TCF4: variants seen among roughly 807,000 people sequenced by gnomAD.
TCF4 encodes the protein transcription factor 4, also known as SL3-3 enhancer factor 2.
A neutral mutation model predicts 82.1 loss-of-function variants in TCF4; 3 were observed. The ratio of observed to expected loss-of-function variants is 0.04; its 90% CI spans 0.02 to 0.09. The LOEUF (loss-of-function observed/expected upper bound fraction) is 0.09. TCF4 is among the 10% of genes least tolerant of loss of function. TCF4 has a pLI of 1.00. For missense variants in TCF4, 518 were observed against 852.7 expected, an observed-to-expected ratio of 0.61 and a Z score of 4.89; for synonymous variants, 276 against 309.6, an observed-to-expected ratio of 0.89 and a Z score of 1.14.
chr18:55,634,447 T>C (rs1829199107), intron 1 of TCF4, among the ~76,000 whole-genome samples: 1 of 152,192 alleles, frequency 6.6e-6, no homozygotes, highest in African/African-American at 2.4e-5. Context: ...TAGAAACTTA[T>C]CCAAGTTAGA....
intron 6 of TCF4, among the ~76,000 whole-genome samples, chr18:55,393,116 G>C (rs924220612): frequency 2.6e-5 from 4 of 152,174 alleles, no homozygotes; most frequent in Non-Finnish European, 5.9e-5. Flanking sequence ...TATAATCACA[G>C]CATTTTGGAA....
chr18:55,548,412 C>T (rs1414262411), intron 3 of TCF4, among the ~76,000 whole-genome samples: 1 of 152,158 alleles, frequency 6.6e-6, no homozygotes, highest in East Asian at 1.9e-4. Context: ...CTAGCATATG[C>T]TGAATAAATT....
At chr18:55,344,682 T>C (rs574755808) in intron 8 of TCF4, among the ~76,000 whole-genome samples, 1 of 152,192 alleles carries the variant, frequency 6.6e-6, no homozygotes, top group Non-Finnish European at 1.5e-5. Context: ...GAATACTTGA[T>C]TAAAAATAAA....
chr18:55,365,507 A>C (rs2086777787), intron 6 of TCF4, among the ~76,000 whole-genome samples: 1 of 151,950 alleles, frequency 6.6e-6, no homozygotes, highest in Admixed American at 6.6e-5. Flanking sequence ...ATCTGCCAAA[A>C]GTCAGCTCCC....
chr18:55,608,091 C>T (rs2097703763), intron 2 of TCF4, among the ~76,000 whole-genome samples: 1 of 152,170 alleles, frequency 6.6e-6, no homozygotes, highest in Non-Finnish European at 1.5e-5. Flanking sequence ...AATGGAAAAG[C>T]AGCAGGGCTG....
Position 55,464,140 on chromosome 18 carries a change from A to G in TCF4, c.146-3T>C, listed in dbSNP as rs1341051748. On this transcript the variant is annotated splice_region_variant and splice_polypyrimidine_tract_variant and intron_variant, in intron 3 of 19. Transcript: ENST00000354452. ...TGAGCTACTTCTGTCTTCTACATCT[A>G]GGGACAAGAGAAAAGTTCTTTAGGC... 1 of 1,613,966 alleles carries G rather than the reference A, an allele frequency of 6.2e-7. No individual in the cohort carries two copies. Among genetic ancestry groups the G allele is most frequent in the East Asian group, 2.2e-5 (1 of 44,870 alleles).
intron 11 of TCF4, 110 bp from the exon 12 acceptor site, chr18:55,261,643 A>G (rs922823118): frequency 8.6e-7 from 1 of 1,168,440 alleles, no homozygotes; most frequent in African/African-American, 1.5e-5. Flanking sequence ...GCTAATTACA[A>G]CACATTAATC....
At chr18:55,567,034 G>A (rs2097415480) in intron 3 of TCF4, among the ~76,000 whole-genome samples, 1 of 152,008 alleles carries the variant, frequency 6.6e-6, no homozygotes, top group Non-Finnish European at 1.5e-5. Context: ...GAGCCACAGG[G>A]AAATTCAGAA....
intron 3 of TCF4, among the ~76,000 whole-genome samples, chr18:55,558,530 C>T (rs1256364535): frequency 1.3e-5 from 2 of 152,270 alleles, no homozygotes; most frequent in Middle Eastern, 3.4e-3. Flanking sequence ...TTTTGAATTA[C>T]TTATGCCCAT....
chr18:55,350,663 T>A (rs2082138903), intron 7 of TCF4, among the ~76,000 whole-genome samples: 1 of 151,852 alleles, frequency 6.6e-6, no homozygotes, highest in African/African-American at 2.4e-5. Context: ...AAACTAGACA[T>A]AAGCAGACAC....
At chr18:55,328,672 C>T (rs1413540717) in intron 8 of TCF4, among the ~76,000 whole-genome samples, 1 of 152,054 alleles carries the variant, frequency 6.6e-6, no homozygotes, top group Non-Finnish European at 1.5e-5. Flanking sequence ...GAGGGGAAAT[C>T]CTGGTTATGT....
intron 10 of TCF4, among the ~76,000 whole-genome samples, chr18:55,273,939 T>C (rs979491380): frequency 3.9e-5 from 6 of 152,132 alleles, no homozygotes; most frequent in Admixed American, 1.3e-4. Context: ...TCAAATCGCC[T>C]AACTCAAAAC....
rs528206926 is a variant in TCF4, at chr18:55,617,116, T to C, written c.286+14182A>G. Among the ~76,000 whole-genome samples, 11 of 152,256 alleles carry C rather than the reference T, an allele frequency of 7.2e-5. No individual in the cohort carries two copies. The South Asian group carries it at 2.3e-3, about 32-fold the overall frequency. On this transcript the variant is annotated intron_variant, in intron 2 of 20. Coordinates refer to the TCF4 transcript ENST00000398339. ...AAAAATTACATTTAAATCTCAAATT[T>C]TCCTGTGTAAGGTAATGGTCCAATG... is the stretch of plus-strand genomic sequence containing the variant.
At position 55,396,335 on chromosome 18, in the gene TCF4, G is replaced by T. The variant is rs114749776; in HGVS notation, c.369+7119C>A. Reference sequence around the variant, plus strand: ...GGACAATAATATTAACCAACTCAGAGATTTATATTGGCACCTAATACTAGT... The same window carrying T: ...GGACAATAATATTAACCAACTCAGATATTTATATTGGCACCTAATACTAGT... On this transcript the variant is annotated intron_variant, in intron 6 of 19. Transcript: ENST00000354452. Among the ~76,000 whole-genome samples, 1,082 of 152,312 alleles carry T rather than the reference G, an allele frequency of 7.1e-3. 17 individuals carry two copies. Among genetic ancestry groups the T allele is most frequent in the African/African-American group, 0.025 (1,030 of 41,574 alleles).
intron 5 of TCF4, among the ~76,000 whole-genome samples, chr18:55,440,147 C>T (rs923352345): frequency 3.3e-5 from 5 of 152,180 alleles, no homozygotes; most frequent in Admixed American, 2.0e-4. Context: ...CAGCCACAAT[C>T]ATTTTTCTTT....
At chr18:55,528,017 T>C (rs909741263) in intron 3 of TCF4, among the ~76,000 whole-genome samples, 1 of 152,178 alleles carries the variant, frequency 6.6e-6, no homozygotes, top group Non-Finnish European at 1.5e-5. Flanking sequence ...GAAACTCTTT[T>C]GTTGAATCTT....
chr18:55,430,754 C>A (rs1443531075), intron 5 of TCF4, among the ~76,000 whole-genome samples: 4 of 152,102 alleles, frequency 2.6e-5, no homozygotes, highest in African/African-American at 7.2e-5. Context: ...AGAAAAAAAT[C>A]ATGGAATTTG....
At chr18:55,499,145 T>C (rs2096669732) in intron 3 of TCF4, among the ~76,000 whole-genome samples, 1 of 152,232 alleles carries the variant, frequency 6.6e-6, no homozygotes. Flanking sequence ...GAAACTTGTT[T>C]ACTCAGAATT....
At chr18:55,255,052 A>C (rs1170627393) in intron 14 of TCF4, among the ~76,000 whole-genome samples, 1 of 152,224 alleles carries the variant, frequency 6.6e-6, no homozygotes, top group Non-Finnish European at 1.5e-5. Flanking sequence ...GGCAGGTATT[A>C]AGTTAAAGAG....
Sources: gnomAD v4.1 joint callset for allele counts (sites outside exome capture counted in the v4.1 genomes callset) on GRCh38, gnomAD v4.1.1 for gene constraint, MANE v1.5 for transcripts, NCBI Gene and HGNC (gene_info 2026-07-23, HGNC 2026-07-21) for gene names.